RSPH14: variants seen among roughly 807,000 people sequenced by gnomAD.
RSPH14 encodes radial spoke head 14 homolog.
A neutral mutation model predicts 26.7 loss-of-function variants in RSPH14; 20 were observed. That is an observed-to-expected ratio of 0.75 (90% confidence interval 0.53 to 1.09). The LOEUF (loss-of-function observed/expected upper bound fraction) is 1.09. Among genes scored for constraint, RSPH14 ranks in the 50% least tolerant of loss-of-function variants. The probability of loss-of-function intolerance (pLI) is 0.00; values close to 1 mark genes in which losing one functional copy is unlikely to be tolerated. For missense variants in RSPH14, 449 were observed against 457.2 expected, an observed-to-expected ratio of 0.98 and a Z score of 0.16; for synonymous variants, 177 against 189.3, an observed-to-expected ratio of 0.93 and a Z score of 0.53.
intron 4 of RSPH14, chr22:23,096,496 A>G: frequency 7.0e-7 from 1 of 1,426,310 alleles, no homozygotes; most frequent in South Asian, 1.3e-5. Flanking sequence ...CGTGAGGTCC[A>G]GGACAGTCTG....
chr22:23,079,516 T>C (rs1442655055), intron 4 of RSPH14, among the ~76,000 whole-genome samples: 1 of 152,074 alleles, frequency 6.6e-6, no homozygotes, highest in Admixed American at 6.5e-5. Context: ...ACAGCCCTGG[T>C]GCCCTGGCTG....
At chr22:23,179,957 A>G in the RSPH14 span, 9 of 302,446 alleles carry the variant, frequency 3.0e-5, no homozygotes, top group Non-Finnish European at 5.5e-5. Context: ...TCGTTGGGCC[A>G]GATCTGCCTG....
At chr22:23,063,601 T>C (rs752310518) in intron 5 of RSPH14, among the ~76,000 whole-genome samples, 13 of 152,180 alleles carry the variant, frequency 8.5e-5, no homozygotes, top group Non-Finnish European at 1.5e-4. Context: ...CAGTGACCGC[T>C]GGGTGTCATG....
rs755117622 is a variant in RSPH14, at chr22:23,140,411, A to G, written c.10T>C (p.Ser4Pro). Residue 4 changes from serine (S) to proline (P), a missense_variant, in exon 2 of 7, where the codon TCC becomes CCC. Ser to Pro is a moderately conservative substitution (Grantham distance 74). Coordinates refer to ENST00000216036, the MANE Select transcript of RSPH14 (RefSeq NM_014433.3). Reference protein sequence around the residue: MAHSQNSLELPINI... With the variant: MAHPQNSLELPINI... ...ATGGGAAGCTCCAAGGAGTTCTGGG[A>G]ATGGGCCATCTTTCCCCAACTACAG... 9 of 1,614,012 alleles carry G rather than the reference A, an allele frequency of 5.6e-6. No homozygotes were observed. The African/African-American group carries it at 9.3e-5, about 17-fold the overall frequency.
At chr22:23,156,522 C>T in the RSPH14 span, among the ~76,000 whole-genome samples, 1 of 152,166 alleles carries the variant, frequency 6.6e-6, no homozygotes, top group African/African-American at 2.4e-5. Flanking sequence ...GGGCAGGGCT[C>T]ACCGTCAGCA....
chr22:23,061,798 C>CA lies in RSPH14; in HGVS notation c.790+10dup. On this transcript the variant is annotated intron_variant, in intron 6 of 6. Transcript: ENST00000216036. ...GGGTCTCCCTCCCTGCGGCACCCCC[C>CA]ACCGCCTCACCTTCAGTGATCACTG... 1 of 1,613,880 alleles carries CA rather than the reference C, an allele frequency of 6.2e-7. No homozygotes were observed. The highest frequency in any genetic ancestry group is 8.5e-7 in the Non-Finnish European group (1 of 1,179,994).
intron 4 of RSPH14, among the ~76,000 whole-genome samples, chr22:23,126,699 G>A (rs1003428811): frequency 6.6e-6 from 1 of 152,246 alleles, no homozygotes; most frequent in Non-Finnish European, 1.5e-5. Context: ...CTGGTGAGAG[G>A]AGGCTAGAGT....
At chr22:23,086,790 G>T (rs2068832203) in intron 4 of RSPH14, among the ~76,000 whole-genome samples, 1 of 152,232 alleles carries the variant, frequency 6.6e-6, no homozygotes, top group Admixed American at 6.5e-5. Flanking sequence ...CTTCCCACTG[G>T]GTGGGGCCAG....
upstream of RSPH14, among the ~76,000 whole-genome samples, chr22:23,143,292 AAAATAAATAAATAAAT>A (rs57037255): frequency 9.2e-5 from 13 of 141,848 alleles, no homozygotes; most frequent in East Asian, 1.9e-4. Flanking sequence ...CCTCAACTCT[AAAATAAATAAATAAAT>A]AAATAAATAA....
chr22:23,163,235 G>A, the RSPH14 span: 4 of 152,446 alleles, frequency 2.6e-5, no homozygotes, highest in Non-Finnish European at 5.7e-5. Context: ...TCATTTTTAT[G>A]TTTTCTTTTG....
chr22:23,120,830 A>T (rs766972756), intron 4 of RSPH14, among the ~76,000 whole-genome samples: 2 of 152,202 alleles, frequency 1.3e-5, no homozygotes, highest in Non-Finnish European at 2.9e-5. Flanking sequence ...ATGAGAGCTG[A>T]TGTGGACTCA....
At chr22:23,061,710 G>T in intron 6 of RSPH14, 99 bp downstream of exon 6, 1 of 1,452,584 alleles carries the variant, frequency 6.9e-7, no homozygotes, top group Non-Finnish European at 9.3e-7. Flanking sequence ...GCAAAGTGTG[G>T]AGTTTGGGGG....
the RSPH14 span, chr22:23,160,876 C>T: frequency 1.7e-5 from 27 of 1,612,528 alleles, no homozygotes; most frequent in Admixed American, 6.7e-5. Flanking sequence ...TGTGGGCCCA[C>T]AGGCGAGAAC....
At chr22:23,111,853 A>C (rs1278709481) in intron 4 of RSPH14, among the ~76,000 whole-genome samples, 1 of 152,180 alleles carries the variant, frequency 6.6e-6, no homozygotes, top group Non-Finnish European at 1.5e-5. Flanking sequence ...TCCCGGTGGC[A>C]GTGGGCAGTG....
At chr22:23,110,621 C>G (rs1011679337) in intron 4 of RSPH14, among the ~76,000 whole-genome samples, 27 of 152,372 alleles carry the variant, frequency 1.8e-4, no homozygotes, top group African/African-American at 6.5e-4. Flanking sequence ...AGGCTGTGTG[C>G]CCCTGTGGGC....
At chr22:23,136,024 T>C (rs971400269) in intron 3 of RSPH14, 4 of 293,386 alleles carry the variant, frequency 1.4e-5, no homozygotes, top group East Asian at 5.6e-5. Flanking sequence ...TTTTCACTTA[T>C]GGTGTGTTTT....
chr22:23,137,044 C>A lies in RSPH14; in HGVS notation c.302+1796G>T, dbSNP rs965474879. Among the ~76,000 whole-genome samples the A allele has an allele frequency of 3.6e-5, 5 of 138,918 alleles. 1 individual carries two copies. Among genetic ancestry groups the A allele is most frequent in the Admixed American group, 1.5e-4 (2 of 13,064 alleles). 91.1% of individuals were successfully genotyped at this position (138,918 alleles called of 152,430 possible). A position where few individuals can be genotyped will look rare whatever the true frequency, so the allele number is the denominator to read the frequency against. On this transcript the variant is annotated intron_variant, in intron 3 of 6. Transcript: ENST00000216036. ...ATGTGAATTAGGGTGCTAGCCATGG[C>A]ACCACCTCCACACACACATGCACGG...
chr22:23,159,889 G>C, the RSPH14 span, among the ~76,000 whole-genome samples: 3 of 152,208 alleles, frequency 2.0e-5, no homozygotes, highest in African/African-American at 7.2e-5. Flanking sequence ...ATCTCATCTG[G>C]GAAGCAGGTG....
intron 6 of RSPH14, among the ~76,000 whole-genome samples, chr22:23,060,251 C>A (rs1309344163): frequency 1.3e-5 from 2 of 152,106 alleles, no homozygotes; most frequent in African/African-American, 2.4e-5. Flanking sequence ...GCTGGTGGAT[C>A]ACGAGGTCAG....
Sources: gnomAD v4.1 joint callset for allele counts (sites outside exome capture counted in the v4.1 genomes callset) on GRCh38, gnomAD v4.1.1 for gene constraint, MANE v1.5 for transcripts, NCBI Gene and HGNC (gene_info 2026-07-23, HGNC 2026-07-21) for gene names.